Variants in PCDHGB4 observed in about 807,000 individuals in gnomAD.
PCDHGB4 encodes the protein protocadherin gamma subfamily B, 4.
PCDHGB4 carries 38 observed loss-of-function variants against 60.5 expected under a neutral mutation model. The observed-to-expected ratio is 0.63, with a 90% confidence interval of 0.48 to 0.82. PCDHGB4 has a LOEUF of 0.82. Ranked by LOEUF, PCDHGB4 falls within the 40% of genes least tolerant of loss-of-function variation. The pLI, the probability that PCDHGB4 is intolerant of heterozygous loss-of-function variation, is 0.00. For missense variants in PCDHGB4, 1,109 were observed against 1,209.6 expected (o/e 0.92, Z 1.23); for synonymous variants, 456 against 509.7 (o/e 0.89, Z 1.42).
rs148119281 is a variant in PCDHGB4, at chr5:141,511,006, C to T, written c.2605C>T (p.Arg869Cys). The T allele has an allele frequency of 3.5e-5, 56 of 1,614,078 alleles. No individual in the cohort carries two copies. Among genetic ancestry groups the T allele is most frequent in the African/African-American group, 5.3e-5 (4 of 74,922 alleles). The change falls in exon 4 of 4, where the codon CGC (arginine) becomes TGC (cysteine). Residue 869 changes from arginine to cysteine, a missense_variant. By Grantham distance (180) the Arg-to-Cys change is radical. This residue lies in a region of PCDHGB4 where 1,068 missense variants were observed against 1,089.9 expected (regional missense o/e 0.98). Transcript: ENST00000519479. Reference protein sequence around the residue: ...GGAGTMGLSARYGPQFTLQHV... With the variant: ...GGAGTMGLSACYGPQFTLQHV... ...TGCCGGCACCATGGGATTGAGCGCC[C>T]GCTACGGACCCCAGTTCACCCTGCA...
At chr5:141,468,652 G>A (rs1206892693) in intron 1 of PCDHGB4, 2 of 149,062 alleles carry the variant, frequency 1.3e-5, no homozygotes, top group African/African-American at 2.5e-5. Context: ...GGATCACAAG[G>A]TCAGGAGATC....
At chr5:141,404,234 G>C (rs2094500908) in intron 1 of PCDHGB4, 1 of 1,613,652 alleles carries the variant, frequency 6.2e-7, no homozygotes, top group South Asian at 1.1e-5. Flanking sequence ...AACAGACAGA[G>C]GAACTCCGCC....
At chr5:141,404,815 G>A in intron 1 of PCDHGB4, 2 of 1,610,532 alleles carry the variant, frequency 1.2e-6, no homozygotes, top group South Asian at 1.1e-5. Flanking sequence ...CGGTGGGGCT[G>A]CACACAGGTG....
chr5:141,430,796 C>A, intron 1 of PCDHGB4: 1 of 1,522,232 alleles, frequency 6.6e-7, no homozygotes, highest in Middle Eastern at 1.8e-4. Context: ...CTACAAAGGG[C>A]TTGTCCTGCT....
At chr5:141,399,129 A>G (rs1280077247) in intron 1 of PCDHGB4, 2 of 1,613,848 alleles carry the variant, frequency 1.2e-6, no homozygotes, top group Non-Finnish European at 8.5e-7. Context: ...TTAATATTCA[A>G]GATGAAAATG....
At chr5:141,448,449 T>C (rs528049717) in intron 1 of PCDHGB4, among the ~76,000 whole-genome samples, 1 of 152,284 alleles carries the variant, frequency 6.6e-6, no homozygotes, top group South Asian at 2.1e-4. Context: ...CTGACTTCCA[T>C]CCCTATCCTA....
rs13436436 is a variant in PCDHGB4 at position 141,494,301 on chromosome 5, G to C, written c.2398-506G>C. Among the ~76,000 whole-genome samples, 1,119 of 152,302 alleles carry C rather than the reference G, an allele frequency of 7.3e-3. 11 individuals carry two copies. The highest frequency in any genetic ancestry group is 0.026 in the African/African-American group (1,077 of 41,560). Reference sequence around the variant, plus strand: ...CCAGAGAAGATGTCCCTGTGAATGTGTCACTGCACAACCTGGCACCAAAAG... The same window carrying C: ...CCAGAGAAGATGTCCCTGTGAATGTCTCACTGCACAACCTGGCACCAAAAG... On this transcript the variant is annotated intron_variant, in intron 1 of 3. Coordinates refer to ENST00000519479, the MANE Select transcript of PCDHGB4 (RefSeq NM_003736.4).
In PCDHGB4 at chr5:141,421,516, T is replaced by G. The variant is rs199973694; in HGVS notation, c.2397+31235T>G. On this transcript the variant is annotated intron_variant, in intron 1 of 3. Transcript: ENST00000519479. Reference sequence around the variant, plus strand: ...AGGCAGGATAGACCGGGAGGAGCTCTGTGAGACGGTGTCCTCCTGTTTTTT... The same window carrying G: ...AGGCAGGATAGACCGGGAGGAGCTCGGTGAGACGGTGTCCTCCTGTTTTTT... 1.4e-5 allele frequency: 22 copies of G among 1,614,064 alleles called. No homozygotes were observed. The East Asian group carries it at 4.9e-4, about 36-fold the overall frequency.
intron 1 of PCDHGB4, chr5:141,413,762 C>A: frequency 1.2e-6 from 2 of 1,612,894 alleles, no homozygotes; most frequent in Non-Finnish European, 8.5e-7. Flanking sequence ...GTCAAGTACC[C>A]GGAGCTGGTA....
At position 141,404,344 on chromosome 5, in the gene PCDHGB4, C is replaced by T. The variant is rs755599341; in HGVS notation, c.2397+14063C>T. 1.1e-5 allele frequency: 18 copies of T among 1,613,954 alleles called. No homozygotes were observed. In the East Asian group the frequency reaches 3.8e-4, roughly 34 times the overall value. ...CCTACTCAGTCTACCTCCCGGAAAA[C>T]AACGCCAGAGGTACTTCCATCTTCT... On this transcript the variant is annotated intron_variant, in intron 1 of 3. Coordinates refer to ENST00000519479, the MANE Select transcript of PCDHGB4 (RefSeq NM_003736.4).
intron 1 of PCDHGB4, chr5:141,392,574 C>G (rs2092557177): frequency 2.2e-6 from 1 of 454,134 alleles, no homozygotes; most frequent in African/African-American, 2.0e-5. Flanking sequence ...CTATTTAGGA[C>G]TGTAAGCGCC....
At chr5:141,394,845 C>G (rs2093112269) in intron 1 of PCDHGB4, 20 of 1,613,866 alleles carry the variant, frequency 1.2e-5, no homozygotes, top group Non-Finnish European at 1.7e-5. Flanking sequence ...GTTGGGCAGT[C>G]TGAAGCCTTC....
intron 2 of PCDHGB4, among the ~76,000 whole-genome samples, chr5:141,495,128 G>T (rs1408872159): frequency 2.6e-5 from 4 of 152,160 alleles, no homozygotes; most frequent in African/African-American, 9.7e-5. Flanking sequence ...TCCCCTGAGG[G>T]CACTGTGGAA....
chr5:141,394,729 A>T (rs765609733), intron 1 of PCDHGB4: 44 of 1,613,302 alleles, frequency 2.7e-5, no homozygotes, highest in African/African-American at 4.0e-5. Flanking sequence ...GATGCGCTCA[A>T]GCAGAGCCTC....
chr5:141,438,613 TATATATATATATATATATATATAC>T (rs1240061633), intron 1 of PCDHGB4, among the ~76,000 whole-genome samples: 627 of 36,484 alleles, frequency 0.017, 21 homozygotes, highest in African/African-American at 0.051. Flanking sequence ...TATATATATA[TATATATATATATATATATATATAC>T]ACACACACAC....
intron 1 of PCDHGB4, among the ~76,000 whole-genome samples, chr5:141,483,522 C>G (rs557644901): frequency 9.3e-6 from 1 of 107,172 alleles, no homozygotes; most frequent in African/African-American, 3.9e-5. Flanking sequence ...TAGATCCTGA[C>G]TAAGGAAGCT....
intron 1 of PCDHGB4, chr5:141,398,001 A>T: frequency 5.0e-6 from 7 of 1,388,802 alleles, no homozygotes; most frequent in African/African-American, 4.4e-5. Flanking sequence ...CCTCCTCGGA[A>T]AAAGAATCGT....
At chr5:141,393,857 C>A (rs753457502) in intron 1 of PCDHGB4, 3 of 1,613,860 alleles carry the variant, frequency 1.9e-6, no homozygotes, top group Non-Finnish European at 2.5e-6. Flanking sequence ...CAGAAGTGAT[C>A]ATTACGTCTT....
intron 1 of PCDHGB4, among the ~76,000 whole-genome samples, chr5:141,451,522 A>G (rs1387873094): frequency 6.6e-6 from 1 of 152,200 alleles, no homozygotes; most frequent in Non-Finnish European, 1.5e-5. Flanking sequence ...TAGAGCAAGT[A>G]AAGGAGAGTG....
Sources: allele counts gnomAD v4.1 joint callset (sites outside exome capture counted in the v4.1 genomes callset), GRCh38; gene constraint gnomAD v4.1.1; regional missense constraint gnomAD v4.1.1; transcripts MANE v1.5; gene names NCBI Gene and HGNC (gene_info 2026-07-23, HGNC 2026-07-21).